ASAP1: variants seen among roughly 807,000 people sequenced by gnomAD.
ASAP1 encodes the protein ArfGAP with SH3 domain, ankyrin repeat and PH domain 1, also known as arf-GAP with SH3 domain, ANK repeat and PH domain-containing protein 1.
Under a neutral mutation model 145.2 loss-of-function variants are expected in ASAP1, and 43 were observed. The ratio of observed to expected loss-of-function variants is 0.30; its 90% confidence interval spans 0.23 to 0.38. ASAP1 has a LOEUF of 0.38. ASAP1 is among the 10% of genes least tolerant of loss of function. The pLI, the probability that ASAP1 is intolerant of heterozygous loss-of-function variation, is 1.00. For missense variants in ASAP1, 1,018 were observed against 1,355.3 expected (o/e 0.75, Z 3.91); for synonymous variants, 546 against 515.5 (o/e 1.06, Z -0.80).
intron 1 of ASAP1, among the ~76,000 whole-genome samples, chr8:130,425,057 G>A (rs1359959021): frequency 1.3e-5 from 2 of 149,900 alleles, no homozygotes; most frequent in East Asian, 1.9e-4. Flanking sequence ...CAGGCCGGGC[G>A]CAATGGCTTA....
intron 5 of ASAP1, among the ~76,000 whole-genome samples, chr8:130,191,218 G>C (rs1815117917): frequency 1.3e-5 from 2 of 152,140 alleles, no homozygotes; most frequent in Admixed American, 6.5e-5. Context: ...GGTGTGAAAG[G>C]AGTAACCAAA....
chr8:130,386,274 C>A (rs1420591108), intron 2 of ASAP1, among the ~76,000 whole-genome samples: 1 of 152,112 alleles, frequency 6.6e-6, no homozygotes, highest in Non-Finnish European at 1.5e-5. Flanking sequence ...CAGGTTTTAC[C>A]CCTGGACTCC....
At chr8:130,139,765 A>AAAAAAG (rs1363043914) in intron 13 of ASAP1, among the ~76,000 whole-genome samples, 3 of 151,872 alleles carry the variant, frequency 2.0e-5, no homozygotes, top group South Asian at 4.1e-4. Context: ...AAAACAAAAA[A>AAAAAAG]AAAAAGAAAA....
intron 7 of ASAP1, among the ~76,000 whole-genome samples, chr8:130,186,847 A>G (rs1814766466): frequency 6.6e-6 from 1 of 152,222 alleles, no homozygotes; most frequent in Non-Finnish European, 1.5e-5. Context: ...GCAGGCACCA[A>G]GATGTCACAG....
rs376210075 is a variant in ASAP1, at chr8:130,210,206, C to T, written c.405+4350G>A. On this transcript the variant is annotated intron_variant, in intron 5 of 29. Transcript: ENST00000518721. Reference sequence around the variant, plus strand: ...GCAACAAAATGAATACAGAAGTAGACATGAAAATATAGCTACCGTCTATTA... The same window carrying T: ...GCAACAAAATGAATACAGAAGTAGATATGAAAATATAGCTACCGTCTATTA... 9.9e-5 allele frequency among the ~76,000 whole-genome samples: 15 copies of T among 152,188 alleles called. No homozygotes were observed. In the East Asian group the frequency reaches 1.2e-3, roughly 12 times the overall value.
chr8:130,260,276 C>T (rs1313687896), intron 3 of ASAP1, among the ~76,000 whole-genome samples: 1 of 152,102 alleles, frequency 6.6e-6, no homozygotes, highest in Non-Finnish European at 1.5e-5. Context: ...CCAATCAAAT[C>T]ACTGTGCACT....
chr8:130,228,700 T>TAA (rs34562395), intron 4 of ASAP1, among the ~76,000 whole-genome samples: 3 of 129,142 alleles, frequency 2.3e-5, no homozygotes, highest in Admixed American at 7.8e-5. Flanking sequence ...GACCCTGTCT[T>TAA]AAAAAAAAAA....
intron 25 of ASAP1, among the ~76,000 whole-genome samples, chr8:130,086,407 C>T (rs1435873183): frequency 6.6e-6 from 1 of 152,248 alleles, no homozygotes; most frequent in Non-Finnish European, 1.5e-5. Flanking sequence ...GAGGCACTTA[C>T]AAGTGATGGC....
At chr8:130,058,181 C>T in intron 28 of ASAP1, 105 bp from the exon 29 acceptor site, 1 of 1,278,816 alleles carries the variant, frequency 7.8e-7, no homozygotes. Context: ...CTTAACCTCG[C>T]TGAGCCTTGA....
chr8:130,387,494 C>G (rs1828073211), intron 2 of ASAP1, among the ~76,000 whole-genome samples: 1 of 151,826 alleles, frequency 6.6e-6, no homozygotes, highest in South Asian at 2.1e-4. Flanking sequence ...CAAGATTACA[C>G]CACTGCACTC....
intron 1 of ASAP1, among the ~76,000 whole-genome samples, chr8:130,418,047 G>C (rs2138685242): frequency 6.6e-6 from 1 of 152,334 alleles, no homozygotes; most frequent in South Asian, 2.1e-4. Context: ...CCAAGGGAGG[G>C]GAGGAGAACT....
intron 25 of ASAP1, chr8:130,083,277 C>T (rs548302335): frequency 6.6e-6 from 1 of 152,370 alleles, no homozygotes; most frequent in East Asian, 1.9e-4. Flanking sequence ...TTTTATGTCT[C>T]TGTAACTTTG....
At chr8:130,319,971 A>G (rs542984659) in intron 3 of ASAP1, among the ~76,000 whole-genome samples, 7 of 152,364 alleles carry the variant, frequency 4.6e-5, no homozygotes, top group African/African-American at 1.7e-4. Flanking sequence ...ATTACTATAT[A>G]ATGCATAGAA....
At chr8:130,390,942 C>CAA (rs146330785) in intron 2 of ASAP1, among the ~76,000 whole-genome samples, 2,612 of 149,536 alleles carry the variant, frequency 0.017, 61 homozygotes, top group East Asian at 0.053. Context: ...ATCCCCCGCC[C>CAA]CCCCAAAATT....
chr8:130,354,331 G>A (rs973951173), intron 3 of ASAP1, among the ~76,000 whole-genome samples: 3 of 152,320 alleles, frequency 2.0e-5, no homozygotes, highest in Middle Eastern at 3.4e-3. Flanking sequence ...CATATGAGAG[G>A]TAAATGTAAG....
chr8:130,379,780 G>A (rs776191795), intron 2 of ASAP1, among the ~76,000 whole-genome samples: 3 of 152,172 alleles, frequency 2.0e-5, no homozygotes, highest in Non-Finnish European at 4.4e-5. Context: ...CTGCCACAGT[G>A]ACACAAGAGG....
chr8:130,401,781 C>T (rs1828807584), intron 2 of ASAP1, 104 bp downstream of exon 2: 1 of 1,043,428 alleles, frequency 9.6e-7, no homozygotes. Context: ...TGTTAGATTC[C>T]AGTGCTTGTG....
intron 2 of ASAP1, among the ~76,000 whole-genome samples, chr8:130,377,031 G>A (rs192372634): frequency 1.3e-4 from 20 of 151,400 alleles, no homozygotes; most frequent in African/African-American, 4.8e-4. Context: ...AGAGTTGAAT[G>A]GACTTTGCCA....
intron 4 of ASAP1, 48 bp downstream of exon 4, chr8:130,236,874 T>C (rs184764079): frequency 1.5e-6 from 2 of 1,329,668 alleles, no homozygotes; most frequent in East Asian, 2.3e-5. Context: ...CAAAACTCTG[T>C]AGACATTATT....
Sources: allele counts gnomAD v4.1 joint callset (sites outside exome capture counted in the v4.1 genomes callset), GRCh38; gene constraint gnomAD v4.1.1; transcripts MANE v1.5; gene names NCBI Gene and HGNC (gene_info 2026-07-23, HGNC 2026-07-21).